Variants in SLIT1 observed in about 807,000 individuals in gnomAD.
SLIT1 encodes the protein slit homolog 1 protein.
In SLIT1, 66 loss-of-function variants were observed where a neutral mutation model predicts 186.1. The ratio of observed to expected loss-of-function variants is 0.35; its 90% CI spans 0.29 to 0.44. SLIT1 has a LOEUF of 0.44. Among genes scored for constraint, SLIT1 ranks in the 20% least tolerant of loss-of-function variants. SLIT1 has a pLI of 1.00. For synonymous variants in SLIT1, 761 were observed against 833.8 expected, an observed-to-expected ratio of 0.91 and a Z score of 1.50; for missense variants, 1,638 against 2,037.4, an observed-to-expected ratio of 0.80 and a Z score of 3.77.
chr10:97,137,532 T>TTTCC (rs1012895803), intron 4 of SLIT1, among the ~76,000 whole-genome samples: 1 of 152,132 alleles, frequency 6.6e-6, no homozygotes, highest in African/African-American at 2.4e-5. Context: ...TAATGTTTCT[T>TTTCC]TTCCTTCCTT....
At chr10:97,149,558 C>A (rs1849853859) in intron 4 of SLIT1, among the ~76,000 whole-genome samples, 1 of 152,006 alleles carries the variant, frequency 6.6e-6, no homozygotes, top group Non-Finnish European at 1.5e-5. Flanking sequence ...CAAGCACGAG[C>A]CAGATAAAGA....
intron 4 of SLIT1, among the ~76,000 whole-genome samples, chr10:97,150,205 G>A (rs1163995876): frequency 6.6e-6 from 1 of 152,166 alleles, no homozygotes; most frequent in Non-Finnish European, 1.5e-5. Flanking sequence ...GGCATGGCTG[G>A]CTCAGTTCTG....
At chr10:97,140,633 G>A (rs907092294) in intron 4 of SLIT1, among the ~76,000 whole-genome samples, 2 of 152,168 alleles carry the variant, frequency 1.3e-5, no homozygotes, top group East Asian at 3.9e-4. Flanking sequence ...AAGGAGCAGA[G>A]GGGTACAAAC....
At chr10:97,012,300 C>A in intron 30 of SLIT1, among the ~76,000 whole-genome samples, 1 of 152,118 alleles carries the variant, frequency 6.6e-6, no homozygotes, top group Non-Finnish European at 1.5e-5. Context: ...ACTAATGAGT[C>A]TGGAGTTACA....
chr10:97,091,368 T>C (rs566155822), intron 4 of SLIT1, among the ~76,000 whole-genome samples: 2 of 152,374 alleles, frequency 1.3e-5, no homozygotes, highest in South Asian at 4.1e-4. Context: ...GGGTCTGTCC[T>C]CTGTGCAGTT....
intron 4 of SLIT1, among the ~76,000 whole-genome samples, chr10:97,094,999 T>G (rs760984822): frequency 6.6e-6 from 1 of 152,126 alleles, no homozygotes; most frequent in Non-Finnish European, 1.5e-5. Context: ...GAGAGAGAGA[T>G]AGGCCAGGTG....
chr10:97,132,324 C>G (rs1297027123), intron 4 of SLIT1, among the ~76,000 whole-genome samples: 1 of 152,208 alleles, frequency 6.6e-6, no homozygotes, highest in Admixed American at 6.5e-5. Flanking sequence ...CAATCTCAGT[C>G]TCTCCCCTCC....
intron 30 of SLIT1, among the ~76,000 whole-genome samples, chr10:97,011,555 C>G (rs775317412): frequency 6.6e-6 from 1 of 152,144 alleles, no homozygotes; most frequent in South Asian, 2.1e-4. Flanking sequence ...CAGGCTCCCC[C>G]ACTCCTCTTT....
intron 1 of SLIT1, among the ~76,000 whole-genome samples, chr10:97,176,995 C>T (rs987433670): frequency 3.3e-5 from 5 of 152,212 alleles, no homozygotes; most frequent in Admixed American, 2.0e-4. Context: ...ATTTCTTAAA[C>T]TGTGCCCTGG....
At chr10:97,148,967 G>A (rs1849845351) in intron 4 of SLIT1, among the ~76,000 whole-genome samples, 1 of 152,180 alleles carries the variant, frequency 6.6e-6, no homozygotes. Context: ...GGCTTTTCAT[G>A]CCTTTGAGCC....
intron 1 of SLIT1, among the ~76,000 whole-genome samples, chr10:97,175,983 G>A (rs1056653285): frequency 3.3e-5 from 5 of 152,196 alleles, no homozygotes; most frequent in African/African-American, 1.2e-4. Context: ...GTGCTAAACT[G>A]GCAGGTGTTT....
At position 97,073,048 on chromosome 10, in the gene SLIT1, C is replaced by T. The variant is rs553639451; in HGVS notation, c.414-6962G>A. The stretch of plus-strand genomic sequence containing the variant: ...TTTCCCACGAGGGGGCGCCAGAAGC[C>T]TTCCCTGGACCTGGATGCCTCAACC... On this transcript the variant is annotated intron_variant, in intron 4 of 36. Coordinates refer to ENST00000266058, the MANE Select transcript of SLIT1 (RefSeq NM_003061.3). Among the ~76,000 whole-genome samples the T allele has an allele frequency of 3.3e-5, 5 of 152,366 alleles. No individual in the cohort carries two copies. In the South Asian group the frequency reaches 1.0e-3, roughly 32 times the overall value.
At chr10:97,137,065 G>GAA (rs1459859211) in intron 4 of SLIT1, among the ~76,000 whole-genome samples, 1 of 152,068 alleles carries the variant, frequency 6.6e-6, no homozygotes, top group African/African-American at 2.4e-5. Context: ...TCAAATAAAA[G>GAA]AAAAAGGAAG....
intron 4 of SLIT1, among the ~76,000 whole-genome samples, chr10:97,081,239 T>A (rs1342245223): frequency 6.6e-6 from 1 of 152,086 alleles, no homozygotes; most frequent in Non-Finnish European, 1.5e-5. Context: ...CAGGCTGTGC[T>A]GGGGGAAGGG....
rs1476749832 is a variant in SLIT1, at chr10:97,166,607, GAA to G, written c.198-1719_198-1718del. On this transcript the variant is annotated intron_variant, in intron 1 of 36. Transcript: ENST00000266058. ...AGAAAGAAAGAAAGAAAGAAAGAAA[GAA>G]AGAAAGAAAGAAAGAGAAAAGAAAA... Among the ~76,000 whole-genome samples the G allele has an allele frequency of 1.2e-3, 77 of 63,360 alleles. 1 individual carries two copies. The South Asian group carries it at 0.013, about 11-fold the overall frequency. The allele number at this position is 63,360 out of a possible 152,430, so 41.6% of individuals were successfully genotyped here.
At chr10:97,114,251 A>T (rs2134682092) in intron 4 of SLIT1, among the ~76,000 whole-genome samples, 1 of 152,118 alleles carries the variant, frequency 6.6e-6, no homozygotes, top group African/African-American at 2.4e-5. Context: ...AGAAGCACCG[A>T]CTCCCACTCT....
intron 1 of SLIT1, among the ~76,000 whole-genome samples, chr10:97,180,787 G>A (rs957451401): frequency 2.0e-5 from 3 of 152,254 alleles, no homozygotes; most frequent in Non-Finnish European, 2.9e-5. Flanking sequence ...CAGACAGACT[G>A]CAAGAGAGGC....
intron 1 of SLIT1, among the ~76,000 whole-genome samples, chr10:97,175,047 TC>T (rs1257467470): frequency 6.6e-6 from 1 of 152,130 alleles, no homozygotes; most frequent in Non-Finnish European, 1.5e-5. Flanking sequence ...GCTACAGAGT[TC>T]CCCCATTCTC....
At chr10:97,094,141 A>G (rs888040307) in intron 4 of SLIT1, among the ~76,000 whole-genome samples, 4 of 152,238 alleles carry the variant, frequency 2.6e-5, no homozygotes, top group African/African-American at 4.8e-5. Flanking sequence ...TGTCCTACGT[A>G]GAAGAAAGGC....
Sources: gnomAD v4.1 joint callset for allele counts (sites outside exome capture counted in the v4.1 genomes callset) on GRCh38, gnomAD v4.1.1 for gene constraint, MANE v1.5 for transcripts, NCBI Gene and HGNC (gene_info 2026-07-23, HGNC 2026-07-21) for gene names.